TTC28: variants seen among roughly 807,000 people sequenced by gnomAD.
The protein encoded by TTC28 is tetratricopeptide repeat protein 28.
A neutral mutation model predicts 198.0 loss-of-function variants in TTC28; 61 were observed. The observed-to-expected ratio is 0.31, with a 90% CI of 0.25 to 0.38. The LOEUF (loss-of-function observed/expected upper bound fraction) is 0.38, where lower values mean the gene tolerates loss of function less well. Ranked by LOEUF, TTC28 falls within the 10% of genes least tolerant of loss-of-function variation. The pLI, the probability that TTC28 is intolerant of heterozygous loss-of-function variation, is 1.00. For missense variants in TTC28, 2,678 were observed against 3,164.0 expected, an observed-to-expected ratio of 0.85 and a Z score of 3.69; for synonymous variants, 1,171 against 1,297.8, an observed-to-expected ratio of 0.90 and a Z score of 2.10.
chr22:28,167,886 T>C (rs1259823386), intron 5 of TTC28, among the ~76,000 whole-genome samples: 2 of 152,228 alleles, frequency 1.3e-5, no homozygotes, highest in African/African-American at 2.4e-5. Flanking sequence ...AAATTGTCCC[T>C]GTTTGCAGAT....
chr22:28,660,134 G>A (rs967676396), intron 1 of TTC28, among the ~76,000 whole-genome samples: 1 of 152,174 alleles, frequency 6.6e-6, no homozygotes, highest in Non-Finnish European at 1.5e-5. Context: ...ATATTTTCAG[G>A]AAATTATATC....
chr22:28,243,932 C>T (rs572134279), intron 5 of TTC28, among the ~76,000 whole-genome samples: 3 of 152,160 alleles, frequency 2.0e-5, no homozygotes, highest in Admixed American at 6.5e-5. Context: ...AGATACAGAA[C>T]GCACAACATG....
chr22:28,347,872 C>A (rs1212037149), intron 2 of TTC28, among the ~76,000 whole-genome samples: 1 of 152,228 alleles, frequency 6.6e-6, no homozygotes, highest in African/African-American at 2.4e-5. Context: ...GAGACTCCGT[C>A]TGAAAAGAAA....
At chr22:28,060,754 C>T (rs1457535242) in intron 12 of TTC28, among the ~76,000 whole-genome samples, 3 of 151,800 alleles carry the variant, frequency 2.0e-5, no homozygotes, top group African/African-American at 4.8e-5. Flanking sequence ...CTCTCCAGCA[C>T]GTTGTTTATA....
intron 2 of TTC28, among the ~76,000 whole-genome samples, chr22:28,383,569 C>A (rs1432011405): frequency 6.6e-6 from 1 of 152,208 alleles, no homozygotes; most frequent in Non-Finnish European, 1.5e-5. Flanking sequence ...TTTCTCTACT[C>A]AATAAATGGC....
At chr22:28,104,259 G>A (rs1380348864) in intron 8 of TTC28, among the ~76,000 whole-genome samples, 5 of 152,280 alleles carry the variant, frequency 3.3e-5, no homozygotes, top group Middle Eastern at 3.4e-3. Context: ...TGGAAAACTC[G>A]GGCTGGGCCC....
chr22:28,151,017 G>A (rs1003315044), intron 6 of TTC28, among the ~76,000 whole-genome samples: 1 of 152,164 alleles, frequency 6.6e-6, no homozygotes, highest in African/African-American at 2.4e-5. Flanking sequence ...GCTCAGAACT[G>A]GGCTGCCTAA....
At position 28,063,332 on chromosome 22, in the gene TTC28, G is replaced by A. The variant is rs193102275; in HGVS notation, c.3932+30748C>T. Among the ~76,000 whole-genome samples the A allele has an allele frequency of 9.3e-3, 1,413 of 152,266 alleles. 25 individuals carry two copies. Among genetic ancestry groups the A allele is most frequent in the African/African-American group, 0.032 (1,314 of 41,562 alleles). ...GTCATCTGGTTCTTCAGAACAGAAT[G>A]GCTGTAGTTTACTATTGGAGCTTTA... On this transcript the variant is annotated intron_variant, in intron 12 of 22. Coordinates refer to ENST00000397906, the MANE Select transcript of TTC28 (RefSeq NM_001145418.2).
intron 2 of TTC28, among the ~76,000 whole-genome samples, chr22:28,312,468 A>G (rs1213060642): frequency 6.6e-6 from 1 of 152,078 alleles, no homozygotes; most frequent in African/African-American, 2.4e-5. Flanking sequence ...GAAGTAAAAC[A>G]CTCCTCAGCA....
intron 1 of TTC28, among the ~76,000 whole-genome samples, chr22:28,631,369 G>A (rs1377058166): frequency 6.6e-6 from 1 of 152,118 alleles, no homozygotes; most frequent in Non-Finnish European, 1.5e-5. Context: ...TTGAAGACTA[G>A]CAAAAACTAT....
At chr22:28,181,628 C>G (rs1005066661) in intron 5 of TTC28, among the ~76,000 whole-genome samples, 1 of 152,146 alleles carries the variant, frequency 6.6e-6, no homozygotes, top group Admixed American at 6.5e-5. Context: ...ATGAAGAATG[C>G]CTGCTACTTC....
intron 6 of TTC28, among the ~76,000 whole-genome samples, chr22:28,109,054 A>G (rs1274156254): frequency 6.6e-6 from 1 of 152,222 alleles, no homozygotes; most frequent in Non-Finnish European, 1.5e-5. Flanking sequence ...AGAACCACAA[A>G]CGGCGCTCCT....
At chr22:28,400,326 T>A (rs570944829) in intron 2 of TTC28, among the ~76,000 whole-genome samples, 1 of 152,364 alleles carries the variant, frequency 6.6e-6, no homozygotes, top group East Asian at 1.9e-4. Flanking sequence ...CCAGTCCTGC[T>A]CAGCATTTCA....
intron 2 of TTC28, among the ~76,000 whole-genome samples, chr22:28,472,920 G>GTTAATATC (rs1262885178): frequency 6.6e-6 from 1 of 152,116 alleles, no homozygotes; most frequent in Non-Finnish European, 1.5e-5. Context: ...TATCAGAATG[G>GTTAATATC]AGAAAGAAAG....
intron 13 of TTC28, among the ~76,000 whole-genome samples, chr22:28,021,124 T>G (rs971928686): frequency 6.6e-6 from 1 of 152,092 alleles, no homozygotes; most frequent in African/African-American, 2.4e-5. Flanking sequence ...AACAGGGGCT[T>G]GACTCTCCCT....
chr22:28,155,981 CAAT>C (rs1943740043), intron 6 of TTC28, among the ~76,000 whole-genome samples: 2 of 151,784 alleles, frequency 1.3e-5, no homozygotes, highest in East Asian at 1.9e-4. Context: ...TAGGATGGTG[CAAT>C]AATAAAAAAA....
intron 12 of TTC28, among the ~76,000 whole-genome samples, chr22:28,053,269 C>G (rs376699763): frequency 6.6e-6 from 1 of 152,202 alleles, no homozygotes; most frequent in Non-Finnish European, 1.5e-5. Flanking sequence ...TGCTGGGCAT[C>G]TGCACAGAAT....
intron 5 of TTC28, among the ~76,000 whole-genome samples, chr22:28,185,665 C>T (rs900507767): frequency 6.6e-6 from 1 of 151,978 alleles, no homozygotes; most frequent in African/African-American, 2.4e-5. Context: ...TGTTTACTTA[C>T]AGATTATAAG....
chr22:28,300,153 C>G (rs1361397663), intron 3 of TTC28, among the ~76,000 whole-genome samples: 3 of 152,152 alleles, frequency 2.0e-5, no homozygotes, highest in Non-Finnish European at 4.4e-5. Flanking sequence ...TTCTTTGAAC[C>G]TTTAGCTTCT....
Sources: gnomAD v4.1 joint callset for allele counts (sites outside exome capture counted in the v4.1 genomes callset) on GRCh38, gnomAD v4.1.1 for gene constraint, MANE v1.5 for transcripts, NCBI Gene and HGNC (gene_info 2026-07-23, HGNC 2026-07-21) for gene names.